Variants in GRIA4 observed in about 807,000 individuals in gnomAD.
The protein encoded by GRIA4 is glutamate ionotropic receptor AMPA type subunit 4.
Under a neutral mutation model 104.0 loss-of-function variants are expected in GRIA4, and 34 were observed. The ratio of observed to expected loss-of-function variants is 0.33; its 90% CI spans 0.25 to 0.44. The LOEUF (loss-of-function observed/expected upper bound fraction) is 0.44, where lower values mean the gene tolerates loss of function less well. Ranked by LOEUF, GRIA4 falls within the 20% of genes least tolerant of loss-of-function variation. The pLI, the probability that GRIA4 is intolerant of heterozygous loss-of-function variation, is 1.00. For synonymous variants in GRIA4, 386 were observed against 381.9 expected, an observed-to-expected ratio of 1.01 and a Z score of -0.13; for missense variants, 750 against 1,096.5, an observed-to-expected ratio of 0.68 and a Z score of 4.46.
At chr11:105,811,572 T>C (rs1354375245) in intron 4 of GRIA4, among the ~76,000 whole-genome samples, 4 of 152,264 alleles carry the variant, frequency 2.6e-5, no homozygotes, top group African/African-American at 9.6e-5. Context: ...CTACATGTTT[T>C]AATGTTTTGA....
intron 5 of GRIA4, among the ~76,000 whole-genome samples, chr11:105,872,670 A>C (rs1945660557): frequency 6.6e-6 from 1 of 152,108 alleles, no homozygotes; most frequent in African/African-American, 2.4e-5. Context: ...TTATAATTCA[A>C]GAATAGATAT....
intron 4 of GRIA4, among the ~76,000 whole-genome samples, chr11:105,822,451 T>G (rs746706808): frequency 2.6e-5 from 4 of 152,078 alleles, no homozygotes; most frequent in Non-Finnish European, 5.9e-5. Context: ...TGCAAAGTCT[T>G]AGGAGGGAAA....
chr11:105,896,637 A>G (rs934157009), intron 6 of GRIA4, among the ~76,000 whole-genome samples: 5 of 152,160 alleles, frequency 3.3e-5, no homozygotes, highest in Non-Finnish European at 5.9e-5. Context: ...AGGGCCAGCC[A>G]GTTTCCCCAA....
At chr11:105,727,331 A>C (rs1019005718) in intron 3 of GRIA4, among the ~76,000 whole-genome samples, 6 of 152,118 alleles carry the variant, frequency 3.9e-5, no homozygotes, top group Admixed American at 3.9e-4. Context: ...AGACAAGATT[A>C]GAGAAAAAAG....
At chr11:105,667,307 T>C (rs914551720) in intron 3 of GRIA4, among the ~76,000 whole-genome samples, 2 of 151,968 alleles carry the variant, frequency 1.3e-5, no homozygotes, top group African/African-American at 4.8e-5. Context: ...CAGTAAGAGA[T>C]GATAACTAAA....
At chr11:105,695,729 T>A (rs1221410752) in intron 3 of GRIA4, among the ~76,000 whole-genome samples, 1 of 152,210 alleles carries the variant, frequency 6.6e-6, no homozygotes, top group African/African-American at 2.4e-5. Context: ...CCTGCTTCTT[T>A]GATAGGAGAT....
chr11:105,724,541 A>G (rs1427928937), intron 3 of GRIA4, among the ~76,000 whole-genome samples: 2 of 152,050 alleles, frequency 1.3e-5, no homozygotes, highest in Non-Finnish European at 2.9e-5. Flanking sequence ...AGAAACAGAA[A>G]ATCAAATACT....
chr11:105,636,795 C>G (rs754830923), intron 3 of GRIA4, among the ~76,000 whole-genome samples: 2 of 152,122 alleles, frequency 1.3e-5, no homozygotes, highest in Non-Finnish European at 2.9e-5. Context: ...AACAGCGAAC[C>G]AATTCAAATA....
chr11:105,838,945 GCTTA>G (rs1944289491), intron 4 of GRIA4, among the ~76,000 whole-genome samples: 1 of 152,122 alleles, frequency 6.6e-6, no homozygotes, highest in South Asian at 2.1e-4. Flanking sequence ...TGCTAACACA[GCTTA>G]CTTTTTTGAG....
chr11:105,871,926 A>C (rs544975309), intron 5 of GRIA4, among the ~76,000 whole-genome samples: 1 of 152,274 alleles, frequency 6.6e-6, no homozygotes, highest in South Asian at 2.1e-4. Flanking sequence ...AAGGGAAATA[A>C]GAAAATGATG....
intron 6 of GRIA4, among the ~76,000 whole-genome samples, chr11:105,896,227 T>G (rs1465644835): frequency 1.3e-5 from 2 of 152,220 alleles, no homozygotes; most frequent in Non-Finnish European, 1.5e-5. Flanking sequence ...GTATGTTGTC[T>G]TTTGGGAAGT....
intron 4 of GRIA4, among the ~76,000 whole-genome samples, chr11:105,804,831 T>C (rs1289375679): frequency 6.6e-6 from 1 of 151,972 alleles, no homozygotes; most frequent in Non-Finnish European, 1.5e-5. Flanking sequence ...TTGTATTAGA[T>C]GTAAAGATCA....
chr11:105,975,606 T>C lies in GRIA4; in HGVS notation c.2544+1162T>C, dbSNP rs1024316734. 2.0e-5 allele frequency among the ~76,000 whole-genome samples: 3 copies of C among 152,202 alleles called. No individual in the cohort carries two copies. In the South Asian group the frequency reaches 6.2e-4, roughly 32 times the overall value. On this transcript the variant is annotated intron_variant, in intron 16 of 16. Coordinates refer to ENST00000282499, the MANE Select transcript of GRIA4 (RefSeq NM_000829.4). ...ACCCATTTTCTAAAATTATCTATAA[T>C]AGCTAAGTGAATAGGCTGCTCAGTT...
intron 4 of GRIA4, among the ~76,000 whole-genome samples, chr11:105,810,560 G>A (rs1057169843): frequency 6.6e-6 from 1 of 152,070 alleles, no homozygotes; most frequent in Admixed American, 6.6e-5. Flanking sequence ...GGCTAAAAAG[G>A]GTGCACATCT....
intron 4 of GRIA4, among the ~76,000 whole-genome samples, chr11:105,821,921 T>C (rs907653009): frequency 5.3e-5 from 8 of 152,086 alleles, no homozygotes; most frequent in Admixed American, 5.2e-4. Context: ...GAGGTACCCA[T>C]AAAATGCAGC....
chr11:105,927,014 A>T (rs796465660), intron 13 of GRIA4, 75 bp downstream of exon 13: 6 of 915,348 alleles, frequency 6.6e-6, no homozygotes, highest in Non-Finnish European at 1.0e-5. Flanking sequence ...CAATTATACC[A>T]TGGGCTTTAG....
chr11:105,906,480 G>C (rs778733466), intron 9 of GRIA4, among the ~76,000 whole-genome samples: 38 of 152,110 alleles, frequency 2.5e-4, no homozygotes, highest in Non-Finnish European at 4.1e-4. Flanking sequence ...CTTGGAGGCA[G>C]GACCATTAAA....
At position 105,969,538 on chromosome 11, in the gene GRIA4, G is replaced by C. The variant is rs1858573334; in HGVS notation, c.2295-2376G>C. 2.6e-5 allele frequency among the ~76,000 whole-genome samples: 4 copies of C among 152,112 alleles called. No homozygotes were observed. In the South Asian group the frequency reaches 6.2e-4, roughly 24 times the overall value. On this transcript the variant is annotated intron_variant, in intron 14 of 16. Coordinates refer to ENST00000282499, the MANE Select transcript of GRIA4 (RefSeq NM_000829.4). ...ATAGGAGAAAAGACTGCTTTAAGAG[G>C]GGAGAGAGAAGCCTAATGCAGTCTT... is the stretch of plus-strand genomic sequence containing the variant.
chr11:105,760,205 T>A (rs1940544702), intron 4 of GRIA4, among the ~76,000 whole-genome samples: 1 of 152,168 alleles, frequency 6.6e-6, no homozygotes, highest in Non-Finnish European at 1.5e-5. Flanking sequence ...TGACACATGC[T>A]ACTAATACAG....
Sources: gnomAD v4.1 joint callset for allele counts (sites outside exome capture counted in the v4.1 genomes callset) on GRCh38, gnomAD v4.1.1 for gene constraint, MANE v1.5 for transcripts, NCBI Gene and HGNC (gene_info 2026-07-23, HGNC 2026-07-21) for gene names.